The following CCDC7 variants were observed in gnomAD, a reference collection of about 807,000 sequenced individuals.
CCDC7 encodes the protein coiled-coil domain containing 7, also known as coiled-coil domain-containing protein 7.
A neutral mutation model predicts 196.9 loss-of-function variants in CCDC7; 183 were observed. The observed-to-expected ratio is 0.93, with a 90% CI of 0.82 to 1.05. The LOEUF is 1.05. CCDC7 is among the 50% of genes least tolerant of loss of function. The pLI, the probability that CCDC7 is intolerant of heterozygous loss-of-function variation, is 0.00. For synonymous variants in CCDC7, 525 were observed against 484.6 expected (o/e 1.08, Z -1.10); for missense variants, 1,540 against 1,482.2 (o/e 1.04, Z -0.64).
chr10:32,641,968 G>A (rs560794103), intron 20 of CCDC7, among the ~76,000 whole-genome samples: 9 of 152,256 alleles, frequency 5.9e-5, no homozygotes, highest in Non-Finnish European at 1.0e-4. Context: ...AGAACAGCTG[G>A]TATTGGTGAA....
At chr10:32,795,258 T>C (rs1435875218) in intron 29 of CCDC7, among the ~76,000 whole-genome samples, 1 of 152,184 alleles carries the variant, frequency 6.6e-6, no homozygotes, top group Non-Finnish European at 1.5e-5. Flanking sequence ...CTTCGTTCCA[T>C]GTCATTCTTT....
intron 23 of CCDC7, among the ~76,000 whole-genome samples, chr10:32,690,273 T>C (rs2076934202): frequency 6.6e-6 from 1 of 152,236 alleles, no homozygotes; most frequent in South Asian, 2.1e-4. Context: ...AATGAAAGGC[T>C]AGTCCTCCCC....
intron 31 of CCDC7, among the ~76,000 whole-genome samples, chr10:32,820,704 A>G (rs1365768854): frequency 6.6e-6 from 1 of 152,174 alleles, no homozygotes; most frequent in Non-Finnish European, 1.5e-5. Context: ...TGACAAAAAC[A>G]AGAAATGGGG....
intron 16 of CCDC7, among the ~76,000 whole-genome samples, chr10:32,574,200 T>A (rs958875290): frequency 6.6e-6 from 1 of 151,782 alleles, no homozygotes; most frequent in Non-Finnish European, 1.5e-5. Flanking sequence ...TTCATTTTGT[T>A]TGCATCCTAG....
intron 23 of CCDC7, among the ~76,000 whole-genome samples, chr10:32,693,939 T>C (rs1177162889): frequency 1.3e-5 from 2 of 152,140 alleles, no homozygotes; most frequent in South Asian, 2.1e-4. Context: ...CTGGGATAAG[T>C]AGGCTGCAAA....
chr10:32,595,040 GT>G (rs1339090896), intron 18 of CCDC7, among the ~76,000 whole-genome samples: 1 of 152,144 alleles, frequency 6.6e-6, no homozygotes, highest in African/African-American at 2.4e-5. Context: ...CTAGGCTTTG[GT>G]ATCAGGATGA....
intron 20 of CCDC7, among the ~76,000 whole-genome samples, chr10:32,639,104 A>G (rs1297342010): frequency 6.6e-6 from 1 of 151,574 alleles, no homozygotes; most frequent in East Asian, 1.9e-4. Context: ...TATTGCTTCT[A>G]TTTCATTCTT....
chr10:32,817,790 G>T (rs962618711), intron 31 of CCDC7, among the ~76,000 whole-genome samples: 14 of 152,170 alleles, frequency 9.2e-5, no homozygotes, highest in African/African-American at 3.4e-4. Flanking sequence ...CAAATGTTGA[G>T]AGATTTTGTC....
At chr10:32,710,851 C>T (rs1303408384) in intron 24 of CCDC7, among the ~76,000 whole-genome samples, 1 of 152,074 alleles carries the variant, frequency 6.6e-6, no homozygotes, top group African/African-American at 2.4e-5. Context: ...AGATAGCAAG[C>T]GAGATTGAAG....
intron 28 of CCDC7, among the ~76,000 whole-genome samples, chr10:32,757,981 A>G (rs2076758301): frequency 6.6e-6 from 1 of 152,216 alleles, no homozygotes; most frequent in Non-Finnish European, 1.5e-5. Context: ...TCTCTACACA[A>G]ATAAACTAGA....
intron 3 of CCDC7, among the ~76,000 whole-genome samples, chr10:32,458,348 T>C (rs200599608): frequency 6.6e-6 from 1 of 151,566 alleles, no homozygotes; most frequent in African/African-American, 2.4e-5. Flanking sequence ...TAAGTGGATT[T>C]ATTTTTTGGG....
At chr10:32,607,929 C>T (rs1171348754) in intron 18 of CCDC7, among the ~76,000 whole-genome samples, 2 of 151,998 alleles carry the variant, frequency 1.3e-5, no homozygotes, top group African/African-American at 4.8e-5. Flanking sequence ...AGCAGTAGAG[C>T]CATCTGGTCC....
chr10:32,605,441 T>C (rs1356104999), intron 18 of CCDC7, among the ~76,000 whole-genome samples: 1 of 152,098 alleles, frequency 6.6e-6, no homozygotes, highest in Non-Finnish European at 1.5e-5. Flanking sequence ...TTTGGAGGGC[T>C]CCGAAGAAGA....
chr10:32,548,416 T>G (rs1297168191), intron 13 of CCDC7, among the ~76,000 whole-genome samples: 1 of 152,036 alleles, frequency 6.6e-6, no homozygotes, highest in Non-Finnish European at 1.5e-5. Flanking sequence ...ACTCAAGACG[T>G]AGCAGGTGAC....
chr10:32,444,009 T>C (rs564103440), upstream of CCDC7, among the ~76,000 whole-genome samples: 2 of 152,352 alleles, frequency 1.3e-5, no homozygotes, highest in African/African-American at 2.4e-5. Context: ...GTTTTCATTG[T>C]AGATGTCTGG....
At chr10:32,640,519 G>A (rs2066549142) in intron 20 of CCDC7, among the ~76,000 whole-genome samples, 1 of 152,092 alleles carries the variant, frequency 6.6e-6, no homozygotes, top group Admixed American at 6.6e-5. Context: ...TTTAAGGTTA[G>A]TATTGTTATG....
intron 20 of CCDC7, among the ~76,000 whole-genome samples, chr10:32,639,724 T>A (rs2066362606): frequency 6.6e-6 from 1 of 151,760 alleles, no homozygotes; most frequent in South Asian, 2.1e-4. Context: ...GCCTCCTGGC[T>A]TCACGCCATT....
rs576134669 is a variant in CCDC7 at position 32,832,295 on chromosome 10, G to A, written c.3269-2520G>A. 2.0e-5 allele frequency among the ~76,000 whole-genome samples: 3 copies of A among 152,244 alleles called. No homozygotes were observed. The East Asian group carries it at 5.8e-4, about 29-fold the overall frequency. On this transcript the variant is annotated intron_variant, in intron 32 of 41. Coordinates refer to ENST00000639629, the Ensembl canonical transcript of CCDC7. The stretch of plus-strand genomic sequence containing the variant: ...GGTGGGGGTGGATCACTTGAGGTCA[G>A]TGGTTCAAGACCAGTCTGGCCAACC...
intron 16 of CCDC7, among the ~76,000 whole-genome samples, chr10:32,579,828 C>T (rs1224514349): frequency 6.6e-6 from 1 of 151,948 alleles, no homozygotes; most frequent in Non-Finnish European, 1.5e-5. Context: ...AGATATTGGC[C>T]ATTTCAACTT....
Sources: gnomAD v4.1 joint callset for allele counts (sites outside exome capture counted in the v4.1 genomes callset) on GRCh38, gnomAD v4.1.1 for gene constraint, MANE v1.5 for transcripts, NCBI Gene and HGNC (gene_info 2026-07-23, HGNC 2026-07-21) for gene names.